The following MAGI2 variants were observed in gnomAD, a reference collection of about 807,000 sequenced individuals.
MAGI2 encodes membrane-associated guanylate kinase, WW and PDZ domain-containing protein 2.
Under a neutral mutation model 133.3 loss-of-function variants are expected in MAGI2, and 35 were observed. That is an observed-to-expected ratio of 0.26 (90% CI 0.20 to 0.35). The LOEUF is 0.35. MAGI2 is among the 10% of genes least tolerant of loss of function. MAGI2 has a pLI of 1.00. For synonymous variants in MAGI2, 729 were observed against 710.6 expected, an observed-to-expected ratio of 1.03 and a Z score of -0.41; for missense variants, 1,636 against 1,863.4, an observed-to-expected ratio of 0.88 and a Z score of 2.25.
At chr7:78,954,477 A>T (rs1037177649) in intron 2 of MAGI2, among the ~76,000 whole-genome samples, 1 of 152,144 alleles carries the variant, frequency 6.6e-6, no homozygotes, top group African/African-American at 2.4e-5. Context: ...TCATACACTA[A>T]TTGAGCCTAA....
chr7:79,204,215 T>C (rs188098465), intron 1 of MAGI2, among the ~76,000 whole-genome samples: 2 of 152,192 alleles, frequency 1.3e-5, no homozygotes, highest in Admixed American at 1.3e-4. Flanking sequence ...ATTAAGCCTC[T>C]GGATCTACCC....
chr7:78,356,458 T>C (rs974411632), intron 7 of MAGI2, among the ~76,000 whole-genome samples: 5 of 152,158 alleles, frequency 3.3e-5, no homozygotes, highest in African/African-American at 9.7e-5. Flanking sequence ...CTCAAACAGC[T>C]AGACGGAGGA....
intron 6 of MAGI2, among the ~76,000 whole-genome samples, chr7:78,460,591 G>C (rs369420191): frequency 6.6e-6 from 1 of 152,172 alleles, no homozygotes; most frequent in African/African-American, 2.4e-5. Flanking sequence ...GGTGTTCAGA[G>C]TTTCAAGTTA....
chr7:78,955,769 C>CTTTCTTTCTTTCTTTCTTTCT lies in MAGI2; in HGVS notation c.418+51320_418+51321insAGAAAGAAAGAAAGAAAGAAA, dbSNP rs1554310426. On this transcript the variant is annotated intron_variant, in intron 2 of 21. Transcript: ENST00000354212. ...TCTTTCTTTCTTTCTTTCTTTCTTT[C>CTTTCTTTCTTTCTTTCTTTCT]TTTCTTTCTTTCTTTCTTTCATTTC... Among the ~76,000 whole-genome samples, 262 of 116,816 alleles carry CTTTCTTTCTTTCTTTCTTTCT rather than the reference C, an allele frequency of 2.2e-3. 4 individuals are homozygous for CTTTCTTTCTTTCTTTCTTTCT. Among genetic ancestry groups the CTTTCTTTCTTTCTTTCTTTCT allele is most frequent in the East Asian group, 4.7e-3 (19 of 4,084 alleles). The allele number at this position is 116,816 out of a possible 152,430, so 76.6% of individuals were successfully genotyped here. A position where few individuals can be genotyped will look rare whatever the true frequency, so the allele number is the denominator to read the frequency against.
chr7:79,107,125 C>T (rs911515272), intron 1 of MAGI2, among the ~76,000 whole-genome samples: 6 of 152,220 alleles, frequency 3.9e-5, no homozygotes, highest in Admixed American at 2.0e-4. Context: ...AAGAGATTAG[C>T]CTCAAATATC....
chr7:78,599,575 C>T (rs38092), intron 3 of MAGI2, among the ~76,000 whole-genome samples: 130,835 of 152,182 alleles, frequency 0.86, 56,678 homozygotes, highest in African/African-American at 0.97. Context: ...TCTTAAAAAA[C>T]TTCATTGGTA....
At chr7:78,040,253 G>A (rs1452483568) in intron 21 of MAGI2, among the ~76,000 whole-genome samples, 1 of 152,180 alleles carries the variant, frequency 6.6e-6, no homozygotes, top group Non-Finnish European at 1.5e-5. Flanking sequence ...GAGGGTAAGC[G>A]ACTTCCTTTG....
intron 2 of MAGI2, among the ~76,000 whole-genome samples, chr7:78,810,136 A>G (rs1788917641): frequency 6.6e-6 from 1 of 152,150 alleles, no homozygotes; most frequent in South Asian, 2.1e-4. Context: ...AAGGCTGGTT[A>G]ATGAAATTGG....
At chr7:78,293,504 A>C (rs1298092717) in intron 9 of MAGI2, among the ~76,000 whole-genome samples, 1 of 152,248 alleles carries the variant, frequency 6.6e-6, no homozygotes. Flanking sequence ...AAGCTAGTTC[A>C]ACCATTGTGG....
At chr7:78,250,780 T>A (rs1248128728) in intron 10 of MAGI2, among the ~76,000 whole-genome samples, 1 of 152,092 alleles carries the variant, frequency 6.6e-6, no homozygotes, top group Non-Finnish European at 1.5e-5. Context: ...TCAGACTAGA[T>A]GACTTCACTG....
intron 1 of MAGI2, among the ~76,000 whole-genome samples, chr7:79,425,637 A>G (rs1382983812): frequency 6.6e-6 from 1 of 151,046 alleles, no homozygotes; most frequent in Non-Finnish European, 1.5e-5. Flanking sequence ...TTACATAACT[A>G]CCATTGTCTG....
chr7:78,519,372 C>G (rs941804325), intron 4 of MAGI2, among the ~76,000 whole-genome samples: 2 of 152,100 alleles, frequency 1.3e-5, no homozygotes, highest in Non-Finnish European at 2.9e-5. Context: ...ATTTGTATAT[C>G]TCTCATCTCC....
intron 2 of MAGI2, among the ~76,000 whole-genome samples, chr7:78,646,166 T>C (rs909809753): frequency 1.4e-4 from 21 of 152,144 alleles, no homozygotes; most frequent in African/African-American, 5.1e-4. Flanking sequence ...TGGAGGAGAT[T>C]CAATTGTATC....
intron 10 of MAGI2, among the ~76,000 whole-genome samples, chr7:78,236,679 T>C (rs13221712): frequency 0.29 from 44,420 of 152,056 alleles, 7,561 homozygotes; most frequent in Non-Finnish European, 0.37. Flanking sequence ...TTTAAGGTGT[T>C]AGAAACTGGG....
intron 2 of MAGI2, among the ~76,000 whole-genome samples, chr7:78,633,293 T>C (rs1411067145): frequency 6.6e-6 from 1 of 152,120 alleles, no homozygotes; most frequent in Non-Finnish European, 1.5e-5. Flanking sequence ...AGATAACTAT[T>C]GGGTACTGGG....
intron 1 of MAGI2, among the ~76,000 whole-genome samples, chr7:79,356,765 G>A (rs1336932753): frequency 7.2e-5 from 11 of 152,092 alleles, no homozygotes; most frequent in African/African-American, 1.9e-4. Context: ...AGGAAACCAC[G>A]TTATAACCCA....
chr7:79,135,053 C>T (rs755839661), intron 1 of MAGI2, among the ~76,000 whole-genome samples: 6 of 152,094 alleles, frequency 3.9e-5, no homozygotes, highest in African/African-American at 9.7e-5. Flanking sequence ...TAGAGACATC[C>T]TATATTTGGA....
At chr7:78,584,917 G>T (rs1005899474) in intron 3 of MAGI2, among the ~76,000 whole-genome samples, 1 of 152,252 alleles carries the variant, frequency 6.6e-6, no homozygotes, top group Non-Finnish European at 1.5e-5. Flanking sequence ...CCTCACAGGG[G>T]TTTTGTAGGA....
At chr7:78,690,372 G>A (rs1442638470) in intron 2 of MAGI2, among the ~76,000 whole-genome samples, 1 of 152,184 alleles carries the variant, frequency 6.6e-6, no homozygotes, top group Non-Finnish European at 1.5e-5. Context: ...AAGGCTGACA[G>A]TTTTGCTAAA....
Sources: allele counts gnomAD v4.1 joint callset (sites outside exome capture counted in the v4.1 genomes callset), GRCh38; gene constraint gnomAD v4.1.1; transcripts MANE v1.5; gene names NCBI Gene and HGNC (gene_info 2026-07-23, HGNC 2026-07-21).